Variants in CARS2 observed in about 807,000 individuals in gnomAD.
CARS2 encodes cysteinyl-tRNA synthetase 2, mitochondrial, also known as probable cysteine--tRNA ligase, mitochondrial.
CARS2 carries 52 observed loss-of-function variants against 68.8 expected under a neutral mutation model. The ratio of observed to expected loss-of-function variants is 0.76; its 90% CI spans 0.61 to 0.95. The LOEUF (loss-of-function observed/expected upper bound fraction) is 0.95, where lower values mean the gene tolerates loss of function less well. Ranked by LOEUF, CARS2 falls within the 40% of genes least tolerant of loss-of-function variation. The pLI is 0.00. For missense variants in CARS2, 780 were observed against 754.2 expected (o/e 1.03, Z -0.40); for synonymous variants, 314 against 303.6 (o/e 1.03, Z -0.36).
chr13:110,709,080 TTC>T (rs1213953208), upstream of CARS2, among the ~76,000 whole-genome samples: 2 of 149,144 alleles, frequency 1.3e-5, no homozygotes, highest in Admixed American at 6.6e-5. Flanking sequence ...TTTCTCTTTT[TTC>T]TTTTTTTTTT....
At chr13:110,713,099 G>C in intron 1 of CARS2, 1 of 1,439,426 alleles carries the variant, frequency 6.9e-7, no homozygotes, top group Non-Finnish European at 9.1e-7. Flanking sequence ...CGGAGGACTT[G>C]GGTTTCTAGT....
chr13:110,684,542 C>T (rs557503409), intron 5 of CARS2, among the ~76,000 whole-genome samples: 43 of 150,986 alleles, frequency 2.8e-4, no homozygotes, highest in East Asian at 1.6e-3. Flanking sequence ...AAATGTCACC[C>T]GGCTTTGTTT....
intron 7 of CARS2, among the ~76,000 whole-genome samples, chr13:110,675,780 A>T (rs2062930765): frequency 6.6e-6 from 1 of 152,198 alleles, no homozygotes; most frequent in Non-Finnish European, 1.5e-5. Context: ...TAACACTGAA[A>T]CGCTAGGAAC....
Position 110,642,301 on chromosome 13 carries a change from G to A in CARS2, c.1623+14C>T, listed in dbSNP as rs1326813298. On this transcript the variant is annotated intron_variant, in intron 14 of 14. Transcript: ENST00000257347. ...CTCCTGGGGTGATGTCCCTGACCTT[G>A]GTGCGGCACTCACCTTGATGTTGAT... is the stretch of plus-strand genomic sequence containing the variant. 1.3e-6 allele frequency: 2 copies of A among 1,542,980 alleles called. No homozygotes were observed. Among genetic ancestry groups the A allele is most frequent in the South Asian group, 2.4e-5 (2 of 83,844 alleles).
At position 110,677,042 on chromosome 13, in the gene CARS2, C is replaced by T. The variant is rs140056876; in HGVS notation, c.717G>A (p.Glu239=). 1.3e-5 allele frequency: 21 copies of T among 1,611,264 alleles called. No homozygotes were observed. The highest frequency in any genetic ancestry group is 1.8e-5 in the Non-Finnish European group (21 of 1,178,102). The change falls in exon 7 of 15, where the codon GAG becomes GAA. Residue 239 remains glutamate, a synonymous_variant. Transcript: ENST00000257347. ...FALWKAAKPQ[E]VFWASPWGPG... Reference sequence around the variant, plus strand: ...GTCCCCAGGGAGAGGCCCAGAACACCTCCTGGGGTTTGGCCGCCTTCCACA... The same window carrying T: ...GTCCCCAGGGAGAGGCCCAGAACACTTCCTGGGGTTTGGCCGCCTTCCACA...
intron 10 of CARS2, chr13:110,649,102 T>A (rs1594231174): frequency 6.6e-6 from 1 of 152,268 alleles, no homozygotes; most frequent in East Asian, 1.9e-4. Flanking sequence ...CCTCCCCGAC[T>A]CTTCCTCTCA....
At chr13:110,678,841 G>C (rs9588238) in intron 6 of CARS2, among the ~76,000 whole-genome samples, 5,175 of 152,200 alleles carry the variant, frequency 0.034, 298 homozygotes, top group African/African-American at 0.11. Flanking sequence ...ACGGTGGGAG[G>C]GGGGAAGAGT....
In CARS2 at chr13:110,676,528, T is replaced by G. The variant is rs2062954664; in HGVS notation, c.785+446A>C. On this transcript the variant is annotated intron_variant, in intron 7 of 14. Transcript: ENST00000257347. The surrounding 1 kb of genome is among the most constrained non-coding windows in gnomAD (Gnocchi z 4.0). The stretch of plus-strand genomic sequence containing the variant: ...GGGTGGCTGGGGGACTCCAGGAAGA[T>G]CTGGGAGGAGCTGGAGATTTCCGCC... 6.6e-6 allele frequency among the ~76,000 whole-genome samples: 1 copy of G among 152,016 alleles called. No homozygotes were observed. The highest frequency in any genetic ancestry group is 1.5e-5 in the Non-Finnish European group (1 of 67,968).
At chr13:110,711,859 A>G (rs900964485) in intron 1 of CARS2, among the ~76,000 whole-genome samples, 16 of 152,258 alleles carry the variant, frequency 1.1e-4, no homozygotes, top group Non-Finnish European at 2.1e-4. Flanking sequence ...GGGCCCTGGA[A>G]TGAGCACCAC....
chr13:110,651,455 A>G (rs977912947), intron 9 of CARS2, among the ~76,000 whole-genome samples: 7 of 152,218 alleles, frequency 4.6e-5, no homozygotes, highest in African/African-American at 1.7e-4. Flanking sequence ...TGCTGTGCTC[A>G]GGAAGAGACC....
At chr13:110,687,922 AG>A in intron 4 of CARS2, 24 bp downstream of exon 4, 6 of 1,599,532 alleles carry the variant, frequency 3.8e-6, no homozygotes, top group Non-Finnish European at 5.1e-6. Context: ...CCCTCATGGC[AG>A]GAACAACCAG....
At chr13:110,654,550 A>T (rs551291779) in intron 9 of CARS2, among the ~76,000 whole-genome samples, 1 of 152,248 alleles carries the variant, frequency 6.6e-6, no homozygotes, top group East Asian at 1.9e-4. Context: ...CAGTAAATAC[A>T]TATAGACAAA....
chr13:110,701,462 A>G lies in CARS2; in HGVS notation c.369T>C (p.Asp123=). The G allele has an allele frequency of 1.3e-6, 2 of 1,537,370 alleles. No homozygotes were observed. The highest frequency in any genetic ancestry group is 1.1e-5 in the South Asian group (1 of 89,594). The part of the protein sequence containing the change: ...VMVMGITDVD[D]KIIKRANEMN... ...CCTCATTGGCTCTTTTGATGATTTTATCATCTACATCTGTAATACCCATCA... is the reference window on the plus strand; with the variant it reads ...CCTCATTGGCTCTTTTGATGATTTTGTCATCTACATCTGTAATACCCATCA... The change falls in exon 3 of 15, where the codon GAT becomes GAC. Residue 123 remains aspartate (D), a synonymous_variant. Transcript: ENST00000257347.
At chr13:110,663,351 TG>T in intron 9 of CARS2, 99 bp downstream of exon 9, 2 of 1,222,648 alleles carry the variant, frequency 1.6e-6, no homozygotes, top group Non-Finnish European at 2.3e-6. Flanking sequence ...CAGAGGGCAC[TG>T]GGAATGGGAT....
chr13:110,693,564 T>C (rs1594394261), intron 3 of CARS2, among the ~76,000 whole-genome samples: 1 of 152,126 alleles, frequency 6.6e-6, no homozygotes, highest in South Asian at 2.1e-4. Flanking sequence ...TTTTACCGTG[T>C]TAGCCAGAAT....
chr13:110,692,540 T>C (rs1376513995), intron 3 of CARS2, among the ~76,000 whole-genome samples: 1 of 150,296 alleles, frequency 6.7e-6, no homozygotes, highest in Non-Finnish European at 1.5e-5. Context: ...ATTCATCTTT[T>C]ATAGACTTTT....
At chr13:110,678,413 C>T (rs1379074935) in intron 6 of CARS2, among the ~76,000 whole-genome samples, 6 of 152,138 alleles carry the variant, frequency 3.9e-5, no homozygotes, top group Non-Finnish European at 7.3e-5. Context: ...ATGTGCACAA[C>T]GTCCCAATAT....
chr13:110,672,566 G>A (rs1342388802), intron 7 of CARS2, among the ~76,000 whole-genome samples: 3 of 152,170 alleles, frequency 2.0e-5, no homozygotes, highest in African/African-American at 7.2e-5. Context: ...ATTTAAAGCA[G>A]TGTGTAGAGG....
intron 3 of CARS2, among the ~76,000 whole-genome samples, chr13:110,690,885 T>C (rs149568538): frequency 7.7e-4 from 117 of 152,378 alleles, no homozygotes; most frequent in African/African-American, 2.7e-3. Context: ...CTTTAAGCTT[T>C]TACCTCTTTT....
Sources: gnomAD v4.1 joint callset for allele counts (sites outside exome capture counted in the v4.1 genomes callset) on GRCh38, gnomAD v4.1.1 for gene constraint, Gnocchi (gnomAD v3.1) non-coding constraint, MANE v1.5 for transcripts, NCBI Gene and HGNC (gene_info 2026-07-23, HGNC 2026-07-21) for gene names.